Variants in MAN2A1 observed in about 807,000 individuals in gnomAD.
The protein encoded by MAN2A1 is mannosidase alpha class 2A member 1.
MAN2A1 carries 76 observed loss-of-function variants against 142.6 expected under a neutral mutation model. The observed-to-expected ratio is 0.53, with a 90% CI of 0.44 to 0.65. The LOEUF is 0.65. Ranked by LOEUF, MAN2A1 falls within the 30% of genes least tolerant of loss-of-function variation. The pLI is 0.00. For missense variants in MAN2A1, 1,311 were observed against 1,365.1 expected (o/e 0.96, Z 0.62); for synonymous variants, 559 against 473.2 (o/e 1.18, Z -2.35).
At chr5:109,720,799 G>A (rs897013945) in intron 3 of MAN2A1, among the ~76,000 whole-genome samples, 6 of 152,220 alleles carry the variant, frequency 3.9e-5, no homozygotes, top group African/African-American at 1.4e-4. Flanking sequence ...CAAACTTGAT[G>A]AGAGGTGGTG....
intron 4 of MAN2A1, among the ~76,000 whole-genome samples, chr5:109,739,843 C>T (rs1177099025): frequency 6.6e-6 from 1 of 152,172 alleles, no homozygotes; most frequent in Non-Finnish European, 1.5e-5. Context: ...TTGCCTAGCC[C>T]AGACAAGTCA....
chr5:109,810,205 T>C (rs1332233431), intron 12 of MAN2A1, among the ~76,000 whole-genome samples: 1 of 152,106 alleles, frequency 6.6e-6, no homozygotes, highest in Non-Finnish European at 1.5e-5. Flanking sequence ...TTCTAGTTTC[T>C]TTTTTTCTTG....
chr5:109,747,511 T>G (rs950683305), intron 4 of MAN2A1, among the ~76,000 whole-genome samples: 2 of 152,188 alleles, frequency 1.3e-5, no homozygotes, highest in Non-Finnish European at 2.9e-5. Flanking sequence ...ATTTTTTAAC[T>G]TTTATCTTTG....
In MAN2A1 at chr5:109,789,031, G is replaced by A. The variant is rs1371038202; in HGVS notation, c.1858G>A (p.Asp620Asn). ...ACTCACATACGACTCTTACTCTCCTGATACCTTCCTGGAGATGGTTAGTAA... is the reference window on the plus strand; with the variant it reads ...ACTCACATACGACTCTTACTCTCCTAATACCTTCCTGGAGATGGTTAGTAA... ...DKLTYDSYSP[D>N]TFLEMDLKQK... is the part of the protein sequence containing the mutation. The change falls in exon 11 of 22, where the codon GAT becomes AAT. Residue 620 changes from aspartate (D) to asparagine (N), a missense_variant. Physicochemically the swap from Asp to Asn is conservative, Grantham distance 23 (BLOSUM62 1). Transcript: ENST00000261483. 2 of 1,572,880 alleles carry A rather than the reference G, an allele frequency of 1.3e-6. No individual in the cohort carries two copies.
At chr5:109,734,652 T>G (rs1752030481) in intron 4 of MAN2A1, among the ~76,000 whole-genome samples, 1 of 152,176 alleles carries the variant, frequency 6.6e-6, no homozygotes, top group Non-Finnish European at 1.5e-5. Context: ...CAGGAACAGG[T>G]TGTTCAGTTT....
Position 109,690,205 on chromosome 5 carries a change from C to CGAGA in MAN2A1, c.-212_-211insAGAG. Reference sequence around the variant, plus strand: ...TCGCCTCGAGAGGGGCGCCCGACCCCGGGGAGGGCGGCAGGCCAGGGCGAA... The same window carrying CGAGA: ...TCGCCTCGAGAGGGGCGCCCGACCCCGAGAGGGGAGGGCGGCAGGCCAGGGCGAA... On this transcript the variant is annotated 5_prime_UTR_variant, in exon 1 of 22. Coordinates refer to ENST00000261483, the MANE Select transcript of MAN2A1 (RefSeq NM_002372.4). The CGAGA allele has an allele frequency of 1.3e-5, 7 of 537,770 alleles. No individual in the cohort carries two copies. The Admixed American group carries it at 1.9e-4, about 14-fold the overall frequency. The allele number at this position is 537,770 out of a possible 1,614,324, so 33.3% of individuals were successfully genotyped here. A position where few individuals can be genotyped will look rare whatever the true frequency, so the allele number is the denominator to read the frequency against.
At chr5:109,778,532 A>C (rs1363222285) in intron 8 of MAN2A1, among the ~76,000 whole-genome samples, 1 of 152,080 alleles carries the variant, frequency 6.6e-6, no homozygotes. Context: ...CCTCATTTAC[A>C]GAGTGTTTTT....
chr5:109,711,387 C>G (rs1001483641), intron 1 of MAN2A1, among the ~76,000 whole-genome samples: 5 of 152,102 alleles, frequency 3.3e-5, no homozygotes, highest in Admixed American at 6.5e-5. Flanking sequence ...AAAGCATTTC[C>G]CCTATTTCAG....
chr5:109,744,916 C>T (rs1752358831), intron 4 of MAN2A1, among the ~76,000 whole-genome samples: 1 of 151,976 alleles, frequency 6.6e-6, no homozygotes, highest in Non-Finnish European at 1.5e-5. Flanking sequence ...CAACAGAATA[C>T]CTAGCAGTAA....
chr5:109,844,917 G>A (rs1755308554), intron 17 of MAN2A1, among the ~76,000 whole-genome samples: 1 of 152,226 alleles, frequency 6.6e-6, no homozygotes, highest in African/African-American at 2.4e-5. Context: ...TTCATGGGTT[G>A]TGGGTGGACA....
chr5:109,782,473 ATAAAGT>A (rs1753486594), intron 9 of MAN2A1, among the ~76,000 whole-genome samples: 1 of 152,196 alleles, frequency 6.6e-6, no homozygotes. Context: ...CTGGTTGTTG[ATAAAGT>A]TAAAACTACT....
chr5:109,737,169 C>G (rs1699970813), intron 4 of MAN2A1, among the ~76,000 whole-genome samples: 1 of 146,166 alleles, frequency 6.8e-6, no homozygotes, highest in South Asian at 2.2e-4. Context: ...TCTCAGCTCA[C>G]TGCAACCTCT....
intron 16 of MAN2A1, among the ~76,000 whole-genome samples, chr5:109,833,347 G>A (rs968578906): frequency 3.3e-5 from 5 of 152,110 alleles, no homozygotes; most frequent in African/African-American, 7.2e-5. Flanking sequence ...GTAGCGAGCC[G>A]AGATCACGCC....
At chr5:109,735,951 G>A (rs1238334336) in intron 4 of MAN2A1, among the ~76,000 whole-genome samples, 1 of 139,498 alleles carries the variant, frequency 7.2e-6, no homozygotes, top group African/African-American at 2.7e-5. Flanking sequence ...GGAAGTGAAG[G>A]GTATATTTTC....
At chr5:109,826,716 T>A (rs966467984) in intron 16 of MAN2A1, among the ~76,000 whole-genome samples, 1 of 152,240 alleles carries the variant, frequency 6.6e-6, no homozygotes, top group Non-Finnish European at 1.5e-5. Context: ...ATGATAGATA[T>A]ACGAAGTCTT....
At position 109,855,213 on chromosome 5, in the gene MAN2A1, T is replaced by C. The variant is rs1159163928; in HGVS notation, c.3050T>C (p.Val1017Ala). The change falls in exon 20 of 22, where the codon GTC becomes GCC. Residue 1017 changes from valine (V) to alanine (A), a missense_variant. This residue lies in a region of MAN2A1 where 890 missense variants were observed against 920.5 expected (regional missense o/e 0.97). Coordinates refer to ENST00000261483, the MANE Select transcript of MAN2A1 (RefSeq NM_002372.4). ...HITSSLMNHP[V>A]IPMANKFSSP... Reference sequence around the variant, plus strand: ...ACTTCTTCTCTCATGAATCATCCAGTCATTCCAATGGCAAATAAGTTCTCC... The same window carrying C: ...ACTTCTTCTCTCATGAATCATCCAGCCATTCCAATGGCAAATAAGTTCTCC... 4 of 1,606,722 alleles carry C rather than the reference T, an allele frequency of 2.5e-6. No individual in the cohort carries two copies. Among genetic ancestry groups the C allele is most frequent in the African/African-American group, 1.3e-5 (1 of 74,668 alleles).
chr5:109,832,638 TC>T (rs895930868), intron 16 of MAN2A1, among the ~76,000 whole-genome samples: 13 of 152,066 alleles, frequency 8.5e-5, no homozygotes, highest in Non-Finnish European at 1.9e-4. Flanking sequence ...CCCCTTCCAC[TC>T]GACAAAACCG....
chr5:109,708,965 A>C (rs71575305), intron 1 of MAN2A1, among the ~76,000 whole-genome samples: 1 of 152,172 alleles, frequency 6.6e-6, no homozygotes, highest in Non-Finnish European at 1.5e-5. Flanking sequence ...AAACACTCTC[A>C]CAGATACACC....
At chr5:109,788,591 A>AATCATTG (rs1753657436) in intron 10 of MAN2A1, among the ~76,000 whole-genome samples, 1 of 151,868 alleles carries the variant, frequency 6.6e-6, no homozygotes, top group Non-Finnish European at 1.5e-5. Flanking sequence ...TAAAGTAGCA[A>AATCATTG]ATCATTGTTT....
Sources: allele counts gnomAD v4.1 joint callset (sites outside exome capture counted in the v4.1 genomes callset), GRCh38; gene constraint gnomAD v4.1.1; regional missense constraint gnomAD v4.1.1; transcripts MANE v1.5; gene names NCBI Gene and HGNC (gene_info 2026-07-23, HGNC 2026-07-21).